Variants in GFM1 observed in about 807,000 individuals in gnomAD.
GFM1 encodes G elongation factor mitochondrial 1.
GFM1 carries 62 observed loss-of-function variants against 96.2 expected under a neutral mutation model. The ratio of observed to expected loss-of-function variants is 0.64; its 90% CI spans 0.53 to 0.80. The LOEUF (loss-of-function observed/expected upper bound fraction) is 0.80, where lower values mean the gene tolerates loss of function less well. GFM1 is among the 30% of genes least tolerant of loss of function. GFM1 has a pLI of 0.00. For synonymous variants in GFM1, 282 were observed against 312.9 expected (o/e 0.90, Z 1.04); for missense variants, 852 against 916.6 (o/e 0.93, Z 0.91).
At chr3:158,691,262 T>G in intron 17 of GFM1, 70 bp downstream of exon 17, 2 of 1,606,420 alleles carry the variant, frequency 1.2e-6, no homozygotes, top group African/African-American at 1.3e-5. Flanking sequence ...ATCTTGACCT[T>G]GTATGACTTT....
chr3:158,653,436 G>C lies in GFM1; in HGVS notation c.967G>C (p.Val323Leu). Residue 323 changes from valine to leucine, a missense_variant, in exon 7 of 18, where the codon GTC (valine) becomes CTC (leucine). Physicochemically the swap from Val to Leu is conservative, Grantham distance 32. Coordinates refer to ENST00000486715, the MANE Select transcript of GFM1 (RefSeq NM_024996.7). ...VLEYLPNPSE[V>L]QNYAILNKED... ...AGAATACCTCCCAAATCCATCTGAA[G>C]TCCAGAACTATGCTATTCTCAATAA... The C allele has an allele frequency of 6.2e-7, 1 of 1,613,298 alleles. No homozygotes were observed. Among genetic ancestry groups the C allele is most frequent in the South Asian group, 1.1e-5 (1 of 91,046 alleles).
Position 158,660,900 on chromosome 3 carries a change from C to T in GFM1, c.1248C>T (p.Asp416=). 1 of 1,613,882 alleles carries T rather than the reference C, an allele frequency of 6.2e-7. No homozygotes were observed. Among genetic ancestry groups the T allele is most frequent in the South Asian group, 1.1e-5 (1 of 91,082 alleles). ...ATGTTGAGGAAGTATATGCCGGAGA[C>T]ATCTGTGCATTGTTTGGCATTGACT... ...MEDVEEVYAG[D]ICALFGIDCA... Residue 416 remains aspartate, a synonymous_variant, in exon 10 of 18, where the codon GAC becomes GAT. Transcript: ENST00000486715.
intron 5 of GFM1, chr3:158,651,020 C>CAAAAAAAAAAAAAAAAAAA (rs772054819): frequency 2.0e-5 from 1 of 49,442 alleles, no homozygotes; most frequent in Non-Finnish European, 3.7e-5. Context: ...GACTCCGTCT[C>CAAAAAAAAAAAAAAAAAAA]AAAAAAAAAA....
intron 11 of GFM1, among the ~76,000 whole-genome samples, chr3:158,664,589 T>C (rs1037891412): frequency 5.3e-5 from 8 of 152,308 alleles, no homozygotes; most frequent in African/African-American, 1.9e-4. Context: ...TCCTGCCACT[T>C]CTTCCTTCAT....
Position 158,691,558 on chromosome 3 carries a change from A to T in GFM1, c.*91A>T. On this transcript the variant is annotated 3_prime_UTR_variant, in exon 18 of 18. Transcript: ENST00000486715. Reference sequence around the variant, plus strand: ...CAGTGGAATAAATTCAGGCTGCTGAAACAAGAAATTCTGAGCCCAGGAAGC... The same window carrying T: ...CAGTGGAATAAATTCAGGCTGCTGATACAAGAAATTCTGAGCCCAGGAAGC... 6.9e-7 allele frequency: 1 copy of T among 1,459,158 alleles called. No homozygotes were observed. The highest frequency in any genetic ancestry group is 9.6e-7 in the Non-Finnish European group (1 of 1,045,782). 90.4% of individuals were successfully genotyped at this position (1,459,158 alleles called of 1,614,324 possible).
At chr3:158,649,987 C>G (rs1722160964) in intron 5 of GFM1, 5 of 1,533,924 alleles carry the variant, frequency 3.3e-6, no homozygotes, top group Non-Finnish European at 4.4e-6. Flanking sequence ...CCTCTGTAGC[C>G]TGGTCGTTTC....
At chr3:158,669,044 A>T (rs754677203) in intron 13 of GFM1, 1 of 1,613,632 alleles carries the variant, frequency 6.2e-7, no homozygotes, top group Non-Finnish European at 8.5e-7. Context: ...ATGTGTCTTC[A>T]GTAGAATTTT....
chr3:158,666,608 A>G, intron 13 of GFM1: 1 of 1,553,284 alleles, frequency 6.4e-7, no homozygotes, highest in Non-Finnish European at 8.9e-7. Context: ...CATACACATC[A>G]ATAGACATGT....
At chr3:158,644,881 C>T in intron 1 of GFM1, 166 bp downstream of exon 1, 2 of 649,302 alleles carry the variant, frequency 3.1e-6, no homozygotes, top group African/African-American at 1.8e-5. Flanking sequence ...CACATTAGCT[C>T]GTTAGCTCGT....
At chr3:158,674,080 CTTT>C (rs397877329) in intron 13 of GFM1, among the ~76,000 whole-genome samples, 11 of 132,986 alleles carry the variant, frequency 8.3e-5, no homozygotes, top group South Asian at 4.9e-4. Context: ...CACACATGAC[CTTT>C]TTTTTTTTTT....
chr3:158,678,865 T>C (rs1725127503), intron 13 of GFM1, among the ~76,000 whole-genome samples: 2 of 152,234 alleles, frequency 1.3e-5, no homozygotes, highest in African/African-American at 4.8e-5. Context: ...AACTTCATTG[T>C]TGTCTTAAGA....
chr3:158,651,873 G>A (rs531105984), intron 5 of GFM1, among the ~76,000 whole-genome samples: 8 of 151,858 alleles, frequency 5.3e-5, no homozygotes, highest in Non-Finnish European at 8.8e-5. Flanking sequence ...CCGGTTACTG[G>A]TAGTACAACC....
In GFM1 at chr3:158,682,000, A is replaced by G; in HGVS notation, c.1607A>G (p.Asp536Gly). The G allele has an allele frequency of 6.2e-7, 1 of 1,612,582 alleles. No individual in the cohort carries two copies. The highest frequency in any genetic ancestry group is 8.5e-7 in the Non-Finnish European group (1 of 1,179,312). ...RETITAPVPFDFTHKKQSGGA... is the reference protein window; with the variant it reads ...RETITAPVPFGFTHKKQSGGA... The stretch of plus-strand genomic sequence containing the variant: ...TTTTCCTAAATCACTTTCAGGTTTG[A>G]CTTTACACATAAAAAACAATCAGGT... The change falls in exon 14 of 18, where the codon GAC (aspartate) becomes GGC (glycine). Residue 536 changes from aspartate (D) to glycine (G), a missense_variant. By Grantham distance (94) the Asp-to-Gly change is moderately conservative. Coordinates refer to ENST00000486715, the MANE Select transcript of GFM1 (RefSeq NM_024996.7).
intron 6 of GFM1, among the ~76,000 whole-genome samples, chr3:158,652,456 G>A (rs1722376667): frequency 6.6e-6 from 1 of 152,074 alleles, no homozygotes. Context: ...AAAAGTTATT[G>A]AGGACCCTTA....
chr3:158,655,358 C>T (rs976671573), intron 8 of GFM1, among the ~76,000 whole-genome samples: 1 of 152,014 alleles, frequency 6.6e-6, no homozygotes, highest in South Asian at 2.1e-4. Flanking sequence ...GTGGCGGACA[C>T]CTGTAATCCC....
chr3:158,685,431 A>G (rs1236394164), intron 15 of GFM1: 2 of 152,238 alleles, frequency 1.3e-5, no homozygotes, highest in African/African-American at 4.8e-5. Context: ...CAGTAGAATT[A>G]TGATTCACAA....
chr3:158,690,544 G>T, intron 16 of GFM1: 1 of 545,832 alleles, frequency 1.8e-6, no homozygotes, highest in Non-Finnish European at 3.2e-6. Context: ...TTTCTTAGAT[G>T]TATATTATCT....
In GFM1 at chr3:158,665,060, A is replaced by G. The variant is rs16829281; in HGVS notation, c.1381-277A>G. Among the ~76,000 whole-genome samples the G allele has an allele frequency of 8.8e-3, 1,336 of 152,308 alleles. 23 individuals carry two copies. The highest frequency in any genetic ancestry group is 0.029 in the African/African-American group (1,220 of 41,548). On this transcript the variant is annotated intron_variant, in intron 11 of 17. Transcript: ENST00000486715. ...ATTTTCACAAAAGGACAGTGTGTCAATGTAAGAGGACAGGGCATAGAGTTA... is the reference window on the plus strand; with the variant it reads ...ATTTTCACAAAAGGACAGTGTGTCAGTGTAAGAGGACAGGGCATAGAGTTA...
At chr3:158,685,270 A>G (rs1393752550) in intron 15 of GFM1, 2 of 152,422 alleles carry the variant, frequency 1.3e-5, no homozygotes, top group African/African-American at 4.8e-5. Flanking sequence ...GAGAAAAAAA[A>G]CTAGTGACAA....
Sources: allele counts gnomAD v4.1 joint callset (sites outside exome capture counted in the v4.1 genomes callset), GRCh38; gene constraint gnomAD v4.1.1; transcripts MANE v1.5; gene names NCBI Gene and HGNC (gene_info 2026-07-23, HGNC 2026-07-21).